The following UNC13C variants were observed in gnomAD, a reference collection of about 807,000 sequenced individuals.
The protein encoded by UNC13C is protein unc-13 homolog C.
In UNC13C, 174 loss-of-function variants were observed where a neutral mutation model predicts 245.4. That is an observed-to-expected ratio of 0.71 (90% CI 0.63 to 0.80). UNC13C has a LOEUF of 0.80. Among genes scored for constraint, UNC13C ranks in the 30% least tolerant of loss-of-function variants. The pLI is 0.00. For missense variants in UNC13C, 2,829 were observed against 2,602.9 expected (o/e 1.09, Z -1.89); for synonymous variants, 992 against 895.1 (o/e 1.11, Z -1.93).
rs1221961202 is a variant in UNC13C at position 54,153,161 on chromosome 15, T to C, written c.3071+9477T>C. On this transcript the variant is annotated intron_variant, in intron 4 of 32. Coordinates refer to ENST00000260323, the MANE Select transcript of UNC13C (RefSeq NM_001080534.3). The stretch of plus-strand genomic sequence containing the variant: ...ACAACTTGCTCAAAGAACTGCACTG[T>C]AATCCATATTTTCAGATATGACAAA... Among the ~76,000 whole-genome samples the C allele has an allele frequency of 2.0e-5, 3 of 152,256 alleles. No individual in the cohort carries two copies. In the East Asian group the frequency reaches 5.8e-4, roughly 29 times the overall value.
Position 54,042,771 on chromosome 15 carries a change from T to G in UNC13C, c.2983+26885T>G, listed in dbSNP as rs758392522. On this transcript the variant is annotated intron_variant, in intron 2 of 32. Coordinates refer to ENST00000260323, the MANE Select transcript of UNC13C (RefSeq NM_001080534.3). ...GGGAGGCTGAAGTAGGAGAATGGCG[T>G]GAACCCGGGAGGTGGAACTTGCAGT... Among the ~76,000 whole-genome samples the G allele has an allele frequency of 3.3e-5, 5 of 152,062 alleles. No individual in the cohort carries two copies. The South Asian group carries it at 6.2e-4, about 19-fold the overall frequency.
intron 4 of UNC13C, among the ~76,000 whole-genome samples, chr15:54,222,138 T>A (rs2035245810): frequency 6.6e-6 from 1 of 152,104 alleles, no homozygotes; most frequent in Non-Finnish European, 1.5e-5. Context: ...TATTTTTAAA[T>A]GTACAATAAA....
chr15:53,966,742 C>T, the UNC13C span, among the ~76,000 whole-genome samples: 1 of 151,414 alleles, frequency 6.6e-6, no homozygotes, highest in Non-Finnish European at 1.5e-5. Flanking sequence ...TGCGGTATGC[C>T]CTCTCAAAAC....
chr15:53,875,163 C>T, the UNC13C span, among the ~76,000 whole-genome samples: 2 of 152,050 alleles, frequency 1.3e-5, no homozygotes, highest in African/African-American at 4.8e-5. Flanking sequence ...TTGAGCAGTG[C>T]TTTAAAAATA....
At chr15:54,291,925 G>A (rs973418895) in intron 10 of UNC13C, among the ~76,000 whole-genome samples, 1 of 151,962 alleles carries the variant, frequency 6.6e-6, no homozygotes, top group South Asian at 2.1e-4. Flanking sequence ...TAACGTGTAA[G>A]GGCTTGGATA....
At chr15:54,339,712 C>G (rs1465368757) in intron 17 of UNC13C, among the ~76,000 whole-genome samples, 2 of 151,522 alleles carry the variant, frequency 1.3e-5, no homozygotes, top group Non-Finnish European at 2.9e-5. Flanking sequence ...TAGGCTGGTT[C>G]CATATTTTTA....
At chr15:54,455,242 T>TA (rs1891448390) in intron 19 of UNC13C, among the ~76,000 whole-genome samples, 1 of 128,488 alleles carries the variant, frequency 7.8e-6, no homozygotes, top group Non-Finnish European at 1.7e-5. Flanking sequence ...TATATATGTT[T>TA]TTTAATCCAC....
intron 17 of UNC13C, among the ~76,000 whole-genome samples, chr15:54,385,880 G>A (rs2039827506): frequency 6.6e-6 from 1 of 151,978 alleles, no homozygotes; most frequent in African/African-American, 2.4e-5. Context: ...TCTAAAACTG[G>A]GTGAAAATCA....
At chr15:54,298,978 C>T (rs115086495) in intron 12 of UNC13C, among the ~76,000 whole-genome samples, 1,784 of 152,076 alleles carry the variant, frequency 0.012, 32 homozygotes, top group African/African-American at 0.041. Flanking sequence ...GTGTTTAAAT[C>T]GTGTGTATAT....
At chr15:54,229,732 C>T (rs12443015) in intron 4 of UNC13C, among the ~76,000 whole-genome samples, 7,504 of 152,122 alleles carry the variant, frequency 0.049, 374 homozygotes, top group East Asian at 0.27. Flanking sequence ...ACTCATTCCT[C>T]CTGTGTAACT....
intron 30 of UNC13C, among the ~76,000 whole-genome samples, chr15:54,588,063 G>C (rs1184082596): frequency 6.6e-6 from 1 of 152,104 alleles, no homozygotes; most frequent in Non-Finnish European, 1.5e-5. Context: ...AAGGTAGATT[G>C]GAGAGTCCTA....
intron 30 of UNC13C, among the ~76,000 whole-genome samples, chr15:54,610,353 G>A (rs547981901): frequency 2.6e-5 from 4 of 152,014 alleles, no homozygotes; most frequent in South Asian, 2.1e-4. Context: ...TCCTGTCTCC[G>A]CCTCCCTAGT....
chr15:54,629,849 A>G (rs1326813822), downstream of UNC13C: 2 of 152,202 alleles, frequency 1.3e-5, no homozygotes, highest in African/African-American at 2.4e-5. Flanking sequence ...TGTATACAAT[A>G]TATATCAAAG....
the UNC13C span, among the ~76,000 whole-genome samples, chr15:53,934,806 C>A: frequency 6.6e-6 from 1 of 152,100 alleles, no homozygotes; most frequent in Non-Finnish European, 1.5e-5. Context: ...ACTGTGTCTG[C>A]TCATTGTAGA....
chr15:54,097,344 GT>G (rs977436926), intron 2 of UNC13C, among the ~76,000 whole-genome samples: 2 of 151,944 alleles, frequency 1.3e-5, no homozygotes, highest in African/African-American at 4.8e-5. Context: ...TGTCTCAGAG[GT>G]TTTTTTTCTG....
At chr15:54,249,157 G>C (rs778969770) in intron 7 of UNC13C, among the ~76,000 whole-genome samples, 1 of 151,926 alleles carries the variant, frequency 6.6e-6, no homozygotes, top group Non-Finnish European at 1.5e-5. Flanking sequence ...TGCTTTGTGG[G>C]ATATGAGAAG....
rs569945005 is a variant in UNC13C at position 54,355,057 on chromosome 15, TG to T, written c.4713+16569del. Among the ~76,000 whole-genome samples the T allele has an allele frequency of 2.2e-4, 34 of 152,264 alleles. 2 individuals are homozygous for T. The South Asian group carries it at 6.7e-3, about 30-fold the overall frequency. On this transcript the variant is annotated intron_variant, in intron 17 of 32. Transcript: ENST00000260323. ...TATCATGTTCAGCCTCCTTGCCACG[TG>T]ATGCCCTGTGCCCCCTCCAGACTCT... is the stretch of plus-strand genomic sequence containing the variant.
At chr15:53,893,016 C>A in the UNC13C span, among the ~76,000 whole-genome samples, 2 of 152,170 alleles carry the variant, frequency 1.3e-5, no homozygotes, top group South Asian at 4.2e-4. Context: ...ATTTATCTAC[C>A]TTTGGTCTTT....
chr15:54,122,910 A>G (rs749275693), intron 2 of UNC13C, among the ~76,000 whole-genome samples: 21 of 152,204 alleles, frequency 1.4e-4, no homozygotes, highest in Middle Eastern at 3.4e-3. Flanking sequence ...TAAAGCTGCT[A>G]TGAAATTTCA....
Sources: gnomAD v4.1 joint callset for allele counts (sites outside exome capture counted in the v4.1 genomes callset) on GRCh38, gnomAD v4.1.1 for gene constraint, MANE v1.5 for transcripts, NCBI Gene and HGNC (gene_info 2026-07-23, HGNC 2026-07-21) for gene names.